The following PRAC2 variants were observed in gnomAD, a reference collection of about 807,000 sequenced individuals.
The protein encoded by PRAC2 is protein PRAC2.
For synonymous variants in PRAC2, 43 were observed against 49.5 expected, an observed-to-expected ratio of 0.87 and a Z score of 0.55; for missense variants, 92 against 114.5, an observed-to-expected ratio of 0.80 and a Z score of 0.90.
At chr17:48,719,212 A>AACACACACAC (rs3060082), upstream of PRAC2, among the ~76,000 whole-genome samples, 1,867 of 141,120 alleles carry the variant, frequency 0.013, 22 homozygotes, top group African/African-American at 0.031. Context: ...CTCGCACACA[A>AACACACACAC]ACACACACAC....
At chr17:48,721,662 A>G (rs1369597333), upstream of PRAC2, 3 of 846,168 alleles carry the variant, frequency 3.5e-6, no homozygotes, top group Non-Finnish European at 4.9e-6. Flanking sequence ...TTTTGCCTTA[A>G]GGATGAGTTA....
At chr17:48,722,344 A>C, upstream of PRAC2, 1 of 1,614,054 alleles carries the variant, frequency 6.2e-7, no homozygotes, top group South Asian at 1.1e-5. Context: ...GCACTCTTGG[A>C]GGTAGTAAGA....
At chr17:48,723,601 T>G in intron 1 of PRAC2, 2 of 794,682 alleles carry the variant, frequency 2.5e-6, no homozygotes, top group South Asian at 6.4e-5. Flanking sequence ...GGAACTACTA[T>G]TTGGAGTAGG....
chr17:48,719,212 A>AACACACACACACACACACAC (rs3060082), upstream of PRAC2, among the ~76,000 whole-genome samples: 1 of 141,032 alleles, frequency 7.1e-6, no homozygotes, highest in African/African-American at 2.6e-5. Context: ...CTCGCACACA[A>AACACACACACACACACACAC]ACACACACAC....
At chr17:48,724,305 G>GAAATTAAATAT (rs2038179297) in intron 1 of PRAC2, 23 bp from the exon 2 acceptor site, 1 of 1,207,188 alleles carries the variant, frequency 8.3e-7, no homozygotes, top group Admixed American at 4.2e-5. Flanking sequence ...AATACAAAAC[G>GAAATTAAATAT]AAATTAAATA....
chr17:48,724,291 G>A, intron 1 of PRAC2, 37 bp from the exon 2 acceptor site: 1 of 1,155,954 alleles, frequency 8.7e-7, no homozygotes, highest in Non-Finnish European at 1.1e-6. Context: ...CAATGAAAGC[G>A]TTTAATACAA....
chr17:48,721,171 T>C (rs1025581679), upstream of PRAC2, among the ~76,000 whole-genome samples: 11 of 152,118 alleles, frequency 7.2e-5, no homozygotes, highest in African/African-American at 2.7e-4. Context: ...GATGTGAGCA[T>C]GTGGTCCCCA....
At chr17:48,724,002 G>T (rs906705076) in intron 1 of PRAC2, among the ~76,000 whole-genome samples, 1 of 152,216 alleles carries the variant, frequency 6.6e-6, no homozygotes, top group African/African-American at 2.4e-5. Flanking sequence ...GTGAAAAGGC[G>T]CCCTGCTTAT....
upstream of PRAC2, chr17:48,722,169 C>A: frequency 1.4e-6 from 1 of 723,402 alleles, no homozygotes; most frequent in South Asian, 1.9e-5. Flanking sequence ...CAGGTGGTAT[C>A]GGTGAAAGCC....
chr17:48,724,247 G>A (rs1274423404), intron 1 of PRAC2, 81 bp from the exon 2 acceptor site: 3 of 664,538 alleles, frequency 4.5e-6, no homozygotes, highest in African/African-American at 1.9e-5. Context: ...GTCGTCCAGG[G>A]ATAGGTGGGA....
upstream of PRAC2, among the ~76,000 whole-genome samples, chr17:48,719,212 A>AACAC (rs3060082): frequency 0.038 from 5,330 of 141,082 alleles, 160 homozygotes; most frequent in African/African-American, 0.09. Flanking sequence ...CTCGCACACA[A>AACAC]ACACACACAC....
upstream of PRAC2, among the ~76,000 whole-genome samples, chr17:48,719,821 T>C (rs1242218512): frequency 6.6e-6 from 1 of 152,038 alleles, no homozygotes; most frequent in Admixed American, 6.5e-5. Flanking sequence ...AAGGCAAGGA[T>C]TGGAAGCTCT....
chr17:48,720,893 G>A (rs945033716), upstream of PRAC2, among the ~76,000 whole-genome samples: 4 of 152,138 alleles, frequency 2.6e-5, no homozygotes, highest in African/African-American at 9.7e-5. Flanking sequence ...CAATAGAGGA[G>A]TCCCTGGGCT....
upstream of PRAC2, among the ~76,000 whole-genome samples, chr17:48,720,395 T>G (rs909342011): frequency 6.6e-6 from 1 of 152,116 alleles, no homozygotes; most frequent in Admixed American, 6.5e-5. Context: ...GTTCACATCT[T>G]CCCTCCCGGA....
In PRAC2 at chr17:48,724,364, G is replaced by T. The variant is rs1163441072; in HGVS notation, c.-47G>T. 2.8e-5 allele frequency: 35 copies of T among 1,234,062 alleles called. No homozygotes were observed. In the East Asian group the frequency reaches 3.2e-4, roughly 11 times the overall value. The allele number at this position is 1,234,062 out of a possible 1,614,324, so 76.4% of individuals were successfully genotyped here. ...GTAAATCCGAAAAAAAGTGTGTGTG[G>T]GGGGGTCCACACCACTAATTATTAT... is the stretch of plus-strand genomic sequence containing the variant. On this transcript the variant is annotated 5_prime_UTR_variant, in exon 2 of 2. Transcript: ENST00000422730.
At chr17:48,722,167 A>G (rs1252048104), upstream of PRAC2, 12 of 719,932 alleles carry the variant, frequency 1.7e-5, no homozygotes, top group Non-Finnish European at 2.8e-5. Flanking sequence ...GCCAGGTGGT[A>G]TCGGTGAAAG....
At chr17:48,718,753 G>A (rs1452524186), upstream of PRAC2, among the ~76,000 whole-genome samples, 1 of 152,158 alleles carries the variant, frequency 6.6e-6, no homozygotes, top group Non-Finnish European at 1.5e-5. Flanking sequence ...GAAGGCCTGG[G>A]GATCGCAAGT....
At chr17:48,723,572 C>A in intron 1 of PRAC2, 1 of 568,686 alleles carries the variant, frequency 1.8e-6, no homozygotes, top group Non-Finnish European at 2.6e-6. Context: ...GCTTCGAGGG[C>A]TTTCCAGCTT....
In PRAC2 at chr17:48,724,682, G is replaced by A. The variant is rs2038187162; in HGVS notation, c.272G>A (p.Ter91=). ...KACPQVLLEW[*] is the part of the protein sequence containing the mutation. ...TGCCCGCAGGTTCTCCTGGAGTGGT[G>A]AGCCTCTGTCGGAAGGGGGCGCCCA... The change falls in exon 2 of 2, where the codon TGA becomes TAA. Residue 91 remains the stop codon, a stop_retained_variant. Transcript: ENST00000422730. The A allele has an allele frequency of 2.4e-6, 3 of 1,231,922 alleles. No homozygotes were observed. Among genetic ancestry groups the A allele is most frequent in the Non-Finnish European group, 3.0e-6 (3 of 987,722 alleles). The allele number at this position is 1,231,922 out of a possible 1,614,324, so 76.3% of individuals were successfully genotyped here.
Sources: gnomAD v4.1 joint callset for allele counts (sites outside exome capture counted in the v4.1 genomes callset) on GRCh38, gnomAD v4.1.1 for gene constraint, MANE v1.5 for transcripts, NCBI Gene and HGNC (gene_info 2026-07-23, HGNC 2026-07-21) for gene names.